The following PDGFC variants were observed in gnomAD, a reference collection of about 807,000 sequenced individuals.
The protein encoded by PDGFC is platelet derived growth factor C.
A neutral mutation model predicts 35.5 loss-of-function variants in PDGFC; 12 were observed. That is an observed-to-expected ratio of 0.34 (90% confidence interval 0.22 to 0.55). PDGFC has a LOEUF of 0.55. PDGFC is among the 20% of genes least tolerant of loss of function. PDGFC has a pLI of 0.91. For missense variants in PDGFC, 322 were observed against 412.4 expected (o/e 0.78, Z 1.90); for synonymous variants, 159 against 148.8 (o/e 1.07, Z -0.50).
intron 3 of PDGFC, among the ~76,000 whole-genome samples, chr4:156,785,715 A>G (rs1421979245): frequency 6.6e-6 from 1 of 152,176 alleles, no homozygotes; most frequent in Non-Finnish European, 1.5e-5. Flanking sequence ...AAATTCTATC[A>G]ACTAGGATCA....
chr4:156,870,007 T>C (rs1001646495), intron 1 of PDGFC, among the ~76,000 whole-genome samples: 2 of 152,128 alleles, frequency 1.3e-5, no homozygotes, highest in African/African-American at 4.8e-5. Context: ...CAGCTTTTTT[T>C]TATGGTACAT....
chr4:156,793,666 G>C (rs943513197), intron 3 of PDGFC, among the ~76,000 whole-genome samples: 2 of 150,978 alleles, frequency 1.3e-5, no homozygotes, highest in Non-Finnish European at 3.0e-5. Context: ...TACCAATCAG[G>C]GGGGCAGTGG....
chr4:156,845,820 T>C (rs1469202760), intron 2 of PDGFC, among the ~76,000 whole-genome samples: 1 of 151,846 alleles, frequency 6.6e-6, no homozygotes, highest in East Asian at 1.9e-4. Flanking sequence ...TACAGAGAAG[T>C]CAAATTTTAC....
chr4:156,930,617 C>T (rs113103816), intron 1 of PDGFC, among the ~76,000 whole-genome samples: 3 of 152,304 alleles, frequency 2.0e-5, no homozygotes, highest in African/African-American at 7.2e-5. Context: ...CCTGTAATCC[C>T]GGCACTTTGG....
At chr4:156,764,598 GTC>G (rs1730471004) in intron 5 of PDGFC, among the ~76,000 whole-genome samples, 2 of 152,190 alleles carry the variant, frequency 1.3e-5, no homozygotes, top group East Asian at 3.9e-4. Flanking sequence ...AAACTTCAAA[GTC>G]TTGTAATAAC....
chr4:156,793,648 T>G (rs1731359736), intron 3 of PDGFC, among the ~76,000 whole-genome samples: 1 of 150,598 alleles, frequency 6.6e-6, no homozygotes, highest in South Asian at 2.1e-4. Flanking sequence ...GCAAAAAAAT[T>G]TTTTAAATAC....
intron 3 of PDGFC, among the ~76,000 whole-genome samples, chr4:156,773,339 C>T (rs369178747): frequency 3.9e-5 from 6 of 151,924 alleles, no homozygotes; most frequent in East Asian, 1.9e-4. Context: ...AGATCTAGAA[C>T]AAAATAGTTA....
chr4:156,825,551 A>AAATAATAAT (rs565531965), intron 2 of PDGFC, among the ~76,000 whole-genome samples: 53 of 93,954 alleles, frequency 5.6e-4, no homozygotes, highest in Non-Finnish European at 7.0e-4. Flanking sequence ...CCCTGTCTCC[A>AAATAATAAT]AATAATAATA....
intron 1 of PDGFC, among the ~76,000 whole-genome samples, chr4:156,895,881 T>C (rs1327437417): frequency 6.6e-6 from 1 of 152,100 alleles, no homozygotes; most frequent in African/African-American, 2.4e-5. Context: ...GAGTGTTGAT[T>C]TACTGGAAAA....
intron 1 of PDGFC, among the ~76,000 whole-genome samples, chr4:156,938,651 ATGAG>A (rs1312276636): frequency 2.0e-5 from 3 of 152,044 alleles, no homozygotes; most frequent in African/African-American, 7.2e-5. Context: ...AAATAAAGAT[ATGAG>A]TAAGTATTCA....
chr4:156,805,075 A>G (rs575667357), intron 3 of PDGFC, among the ~76,000 whole-genome samples: 9 of 152,160 alleles, frequency 5.9e-5, no homozygotes, highest in African/African-American at 1.9e-4. Flanking sequence ...TAGAAATGAA[A>G]CAGAGACACC....
At chr4:156,885,649 T>C (rs1730359320) in intron 1 of PDGFC, among the ~76,000 whole-genome samples, 1 of 152,108 alleles carries the variant, frequency 6.6e-6, no homozygotes, top group Non-Finnish European at 1.5e-5. Flanking sequence ...CCCACACCTT[T>C]GGGAGGCTGA....
chr4:156,824,321 T>C (rs369908653), intron 2 of PDGFC, among the ~76,000 whole-genome samples: 23,043 of 96,110 alleles, frequency 0.24, 2,911 homozygotes, highest in South Asian at 0.41. Flanking sequence ...TATATATATA[T>C]ATATATACAC....
intron 1 of PDGFC, among the ~76,000 whole-genome samples, chr4:156,874,569 A>C (rs1425779540): frequency 1.3e-5 from 2 of 152,280 alleles, no homozygotes; most frequent in South Asian, 2.1e-4. Flanking sequence ...ATAAAAAATG[A>C]ATCAGTAGCC....
chr4:156,969,016 G>C (rs1015375298), intron 1 of PDGFC, among the ~76,000 whole-genome samples: 3 of 152,170 alleles, frequency 2.0e-5, no homozygotes, highest in Non-Finnish European at 2.9e-5. Context: ...GGGATCACAA[G>C]AGAGAACTAA....
rs138351363 is a variant in PDGFC at position 156,927,256 on chromosome 4, G to A, written c.118+43530C>T. Among the ~76,000 whole-genome samples, 909 of 152,232 alleles carry A rather than the reference G, an allele frequency of 6.0e-3. 1 individual carries two copies. Among genetic ancestry groups the A allele is most frequent in the Non-Finnish European group, 8.6e-3 (587 of 68,010 alleles). ...GGTTTCCAGGTCTGTGATGGGAGGG[G>A]CTGCCATGAAGACCTATGACATGCC... On this transcript the variant is annotated intron_variant, in intron 1 of 5. Coordinates refer to ENST00000502773, the MANE Select transcript of PDGFC (RefSeq NM_016205.3).
intron 3 of PDGFC, among the ~76,000 whole-genome samples, chr4:156,807,063 T>C (rs1731789702): frequency 6.6e-6 from 1 of 151,796 alleles, no homozygotes; most frequent in African/African-American, 2.4e-5. Flanking sequence ...ATCAAAGACA[T>C]TAACTCCTTA....
chr4:156,930,931 T>TA (rs1731536512), intron 1 of PDGFC, among the ~76,000 whole-genome samples: 1 of 152,180 alleles, frequency 6.6e-6, no homozygotes, highest in Non-Finnish European at 1.5e-5. Context: ...GGTTTATACA[T>TA]AAAATTCAGC....
At chr4:156,921,042 CA>C (rs1177215127) in intron 1 of PDGFC, among the ~76,000 whole-genome samples, 1 of 152,002 alleles carries the variant, frequency 6.6e-6, no homozygotes, top group Non-Finnish European at 1.5e-5. Context: ...GAAGCTGGAC[CA>C]AAAGAATAAG....
Sources: allele counts gnomAD v4.1 joint callset (sites outside exome capture counted in the v4.1 genomes callset), GRCh38; gene constraint gnomAD v4.1.1; transcripts MANE v1.5; gene names NCBI Gene and HGNC (gene_info 2026-07-23, HGNC 2026-07-21).